The following MED16 variants were observed in gnomAD, a reference collection of about 807,000 sequenced individuals.
MED16 encodes mediator complex subunit 16, also known as mediator of RNA polymerase II transcription subunit 16.
MED16 carries 81 observed loss-of-function variants against 84.4 expected under a neutral mutation model. The ratio of observed to expected loss-of-function variants is 0.96; its 90% confidence interval spans 0.80 to 1.15. MED16 has a LOEUF of 1.15. Among genes scored for constraint, MED16 ranks in the 50% most tolerant of loss-of-function variants. The pLI is 0.00. For missense variants in MED16, 1,585 were observed against 1,245.9 expected (o/e 1.27, Z -4.10); for synonymous variants, 897 against 552.2 (o/e 1.62, Z -8.76).
intron 8 of MED16, among the ~76,000 whole-genome samples, chr19:878,705 G>A (rs2036332476): frequency 7.9e-6 from 1 of 126,492 alleles, no homozygotes; most frequent in Non-Finnish European, 1.6e-5. Context: ...TGCCCCAGCA[G>A]CTCGCCTTCC....
chr19:883,917 C>T (rs1176096788), intron 6 of MED16, among the ~76,000 whole-genome samples: 3 of 152,072 alleles, frequency 2.0e-5, no homozygotes, highest in Non-Finnish European at 2.9e-5. Context: ...GGCAGCAGCC[C>T]TCTTCACCTG....
chr19:878,510 C>G (rs2036323086), intron 8 of MED16, among the ~76,000 whole-genome samples: 2 of 143,356 alleles, frequency 1.4e-5, no homozygotes, highest in East Asian at 2.2e-4. Context: ...AGCCCCAGCC[C>G]CACGTGCCCC....
intron 9 of MED16, among the ~76,000 whole-genome samples, chr19:876,184 G>A (rs1340595446): frequency 2.0e-5 from 3 of 152,116 alleles, no homozygotes; most frequent in African/African-American, 7.2e-5. Context: ...ATGGCACAGA[G>A]GAAAACAAGT....
intron 14 of MED16, 63 bp from the exon 15 acceptor site, chr19:868,562 C>T: frequency 1.3e-6 from 2 of 1,582,430 alleles, no homozygotes; most frequent in African/African-American, 1.3e-5. Flanking sequence ...ACGCCTGCCC[C>T]ACTTTTGCTT....
Position 891,122 on chromosome 19 carries a change from A to C in MED16, c.10T>G (p.Leu4Val). The C allele has an allele frequency of 6.2e-7, 1 of 1,613,168 alleles. No homozygotes were observed. MCD[L>V]RRPAAGGMMD... The stretch of plus-strand genomic sequence containing the variant: ...ATCCCACCTGCCGCTGGCCGCCGCA[A>C]ATCACACATGAGGGCAGTCACCAGC... The change falls in exon 2 of 16, where the codon TTG becomes GTG. Residue 4 changes from leucine (L) to valine (V), a missense_variant. Coordinates refer to ENST00000325464, the MANE Select transcript of MED16 (RefSeq NM_005481.3).
intron 12 of MED16, chr19:871,522 T>TG: frequency 6.4e-7 from 1 of 1,561,034 alleles, no homozygotes; most frequent in Non-Finnish European, 8.6e-7. Flanking sequence ...ACTGTGCCTT[T>TG]TCCAGACACT....
chr19:878,569 GC>G (rs2036326646), intron 8 of MED16, among the ~76,000 whole-genome samples: 1 of 14,444 alleles, frequency 6.9e-5, no homozygotes, highest in Non-Finnish European at 1.4e-4. Context: ...CCCAGCCCCA[GC>G]CCCACATGCC....
chr19:873,604 G>T (rs745592992), intron 10 of MED16, 22 bp from the exon 11 acceptor site: 3 of 1,611,210 alleles, frequency 1.9e-6, no homozygotes, highest in East Asian at 2.2e-5. Flanking sequence ...CGTGGGTCGG[G>T]TCAGCTCGGG....
chr19:876,892 A>G (rs1273271723), intron 9 of MED16, 82 bp downstream of exon 9: 4 of 1,389,210 alleles, frequency 2.9e-6, no homozygotes, highest in Non-Finnish European at 3.8e-6. Context: ...CCCACCTGCC[A>G]CGGGGCCCCA....
chr19:875,097 G>A, intron 10 of MED16, 147 bp downstream of exon 10: 1 of 503,622 alleles, frequency 2.0e-6, no homozygotes, highest in Admixed American at 3.9e-5. Flanking sequence ...CAGAGAGGCG[G>A]AGGCTGCAGT....
chr19:877,207 C>A, intron 8 of MED16, 27 bp from the exon 9 acceptor site: 1 of 1,588,586 alleles, frequency 6.3e-7, no homozygotes, highest in Non-Finnish European at 8.5e-7. Context: ...CCAAGGAGAG[C>A]CCGGTGAGAT....
chr19:880,953 C>T (rs2036408890), intron 7 of MED16, among the ~76,000 whole-genome samples: 1 of 151,946 alleles, frequency 6.6e-6, no homozygotes, highest in African/African-American at 2.4e-5. Flanking sequence ...AAAAATAGAG[C>T]CTGGAAAATG....
At chr19:871,325 G>A (rs938317472) in intron 12 of MED16, 72 bp from the exon 13 acceptor site, 24 of 1,445,118 alleles carry the variant, frequency 1.7e-5, no homozygotes, top group Non-Finnish European at 2.1e-5. Flanking sequence ...GACGTGCTGG[G>A]AGCCCCTCCA....
intron 4 of MED16, among the ~76,000 whole-genome samples, chr19:889,308 G>A (rs1004324825): frequency 4.6e-5 from 7 of 152,194 alleles, no homozygotes; most frequent in Admixed American, 3.3e-4. Context: ...GCAGCCACCA[G>A]TTATACATGC....
At chr19:869,094 G>A (rs2035986302) in intron 13 of MED16, 148 bp from the exon 14 acceptor site, 1 of 686,404 alleles carries the variant, frequency 1.5e-6, no homozygotes, top group African/African-American at 1.9e-5. Flanking sequence ...ACAGTGAGGT[G>A]GGAGGTGCGG....
At chr19:890,442 G>A (rs936539422) in intron 2 of MED16, 198 bp from the exon 3 acceptor site, 28 of 478,280 alleles carry the variant, frequency 5.9e-5, no homozygotes, top group Admixed American at 3.4e-4. Flanking sequence ...CGCCACAACT[G>A]TGTCTTTAAA....
intron 13 of MED16, among the ~76,000 whole-genome samples, chr19:869,968 G>A (rs2036006584): frequency 6.6e-6 from 1 of 152,162 alleles, no homozygotes; most frequent in Admixed American, 6.5e-5. Flanking sequence ...GAAATGGGGT[G>A]ACAAGGTCCC....
Position 868,796 on chromosome 19 carries a change from G to A in MED16, c.2399+67C>T, listed in dbSNP as rs530480049. 8.1e-5 allele frequency: 120 copies of A among 1,482,006 alleles called. 1 individual carries two copies. In the Admixed American group the frequency reaches 1.9e-3, roughly 24 times the overall value. The allele number at this position is 1,482,006 out of a possible 1,614,324, so 91.8% of individuals were successfully genotyped here. The stretch of plus-strand genomic sequence containing the variant: ...TGACCGTCTGGAGCGCTGGGTGGGG[G>A]CTAGAATCAGCTGAGCCATCCCCAG... On this transcript the variant is annotated intron_variant, in intron 14 of 15. Coordinates refer to ENST00000325464, the MANE Select transcript of MED16 (RefSeq NM_005481.3).
chr19:886,229 G>A (rs1482768461), intron 4 of MED16, 28 bp from the exon 5 acceptor site: 8 of 1,484,804 alleles, frequency 5.4e-6, no homozygotes, highest in East Asian at 2.4e-5. Flanking sequence ...AGGGAGGAGG[G>A]GCCGCTCAGG....
Sources: gnomAD v4.1 joint callset for allele counts (sites outside exome capture counted in the v4.1 genomes callset) on GRCh38, gnomAD v4.1.1 for gene constraint, MANE v1.5 for transcripts, NCBI Gene and HGNC (gene_info 2026-07-23, HGNC 2026-07-21) for gene names.